Variants in ELN observed in about 807,000 individuals in gnomAD.
The protein encoded by ELN is tropoelastin.
In ELN, 65 loss-of-function variants were observed where a neutral mutation model predicts 105.8. The observed-to-expected ratio is 0.61, with a 90% CI of 0.50 to 0.75. The LOEUF (loss-of-function observed/expected upper bound fraction) is 0.75, where lower values mean the gene tolerates loss of function less well. Ranked by LOEUF, ELN falls within the 30% of genes least tolerant of loss-of-function variation. The pLI, the probability that ELN is intolerant of heterozygous loss-of-function variation, is 0.00. For synonymous variants in ELN, 368 were observed against 389.2 expected (o/e 0.95, Z 0.64); for missense variants, 882 against 969.4 (o/e 0.91, Z 1.20).
rs1554686443 is a variant in ELN, at chr7:74,063,351, G to A, written c.1900G>A (p.Ala634Thr). The change falls in exon 28 of 33, where the codon GCC becomes ACC. Residue 634 changes from alanine (A) to threonine (T), a missense_variant. By Grantham distance (58) the Ala-to-Thr change is moderately conservative. Coordinates refer to ENST00000252034, the MANE Select transcript of ELN (RefSeq NM_000501.4). The surrounding 1 kb of genome is among the most constrained non-coding windows in gnomAD (Gnocchi z 4.1). Reference sequence around the variant, plus strand: ...CGCCGCTGCCGCAGCCAAAGCTGCTGCCAAAGCCGCCCAGTTTGGTGAGCA... The same window carrying A: ...CGCCGCTGCCGCAGCCAAAGCTGCTACCAAAGCCGCCCAGTTTGGTGAGCA... Reference protein sequence around the residue: ...AAAAAAAKAAAKAAQFGLVGA... With the variant: ...AAAAAAAKAATKAAQFGLVGA... The A allele has an allele frequency of 5.2e-6, 8 of 1,548,256 alleles. No homozygotes were observed. The highest frequency in any genetic ancestry group is 7.0e-6 in the Non-Finnish European group (8 of 1,147,706).
At chr7:74,048,341 C>A in intron 14 of ELN, 140 bp downstream of exon 14, 2 of 1,507,360 alleles carry the variant, frequency 1.3e-6, no homozygotes, top group Non-Finnish European at 1.8e-6. Flanking sequence ...GAGCAGGATC[C>A]TGGGGGAGGA....
At chr7:74,064,422 A>AT (rs1254845978) in intron 29 of ELN, among the ~76,000 whole-genome samples, 13,790 of 137,386 alleles carry the variant, frequency 0.1, 645 homozygotes, top group African/African-American at 0.12. Flanking sequence ...CTCAAAAAAA[A>AT]AATATATATA....
At chr7:74,044,883 C>T (rs1324906402) in intron 9 of ELN, among the ~76,000 whole-genome samples, 6 of 152,160 alleles carry the variant, frequency 3.9e-5, no homozygotes, top group Non-Finnish European at 7.3e-5. Flanking sequence ...GGTCTACGGG[C>T]GAGTGGCACC....
chr7:74,063,177 G>T lies in ELN; in HGVS notation c.1811G>T (p.Gly604Val). 6.2e-7 allele frequency: 1 copy of T among 1,609,380 alleles called. No homozygotes were observed. The highest frequency in any genetic ancestry group is 1.1e-5 in the South Asian group (1 of 89,230). The change falls in exon 27 of 33, where the codon GGA (glycine) becomes GTA (valine). Residue 604 changes from glycine to valine, a missense_variant. Transcript: ENST00000252034. The surrounding 1 kb of genome is among the most constrained non-coding windows in gnomAD (Gnocchi z 4.1). ...GGAGCAGCAGTGCCTGGGGTCCTTG[G>T]AGGGCTCGGGGCTCTCGGTGGAGTA... Reference protein sequence around the residue: ...KYGAAVPGVLGGLGALGGVGI... With the variant: ...KYGAAVPGVLVGLGALGGVGI...
At chr7:74,045,389 G>C (rs1583788007) in intron 10 of ELN, 96 bp downstream of exon 10, 2 of 1,392,968 alleles carry the variant, frequency 1.4e-6, no homozygotes, top group East Asian at 4.8e-5. Flanking sequence ...GACTGGCTCA[G>C]GGCCCTCTGG....
At chr7:74,067,263 A>T (rs1554689801) in intron 32 of ELN, among the ~76,000 whole-genome samples, 1 of 147,564 alleles carries the variant, frequency 6.8e-6, no homozygotes, top group East Asian at 2.0e-4. Context: ...TACTAAAAAT[A>T]CTATAGTCTT....
At chr7:74,050,408 T>C (rs1793768017) in intron 15 of ELN, among the ~76,000 whole-genome samples, 1 of 151,756 alleles carries the variant, frequency 6.6e-6, no homozygotes, top group Admixed American at 6.6e-5. Context: ...CATCCATCCA[T>C]CCATCCATCC....
In ELN at chr7:74,056,153, T is replaced by C; in HGVS notation, c.1151-118T>C. On this transcript the variant is annotated intron_variant, in intron 19 of 32. Coordinates refer to ENST00000252034, the MANE Select transcript of ELN (RefSeq NM_000501.4). ...CCCAGGCATCCCAGTTTTCTGTCTTTTATGGACAAGGCCTGGGGGAAATTT... is the reference window on the plus strand; with the variant it reads ...CCCAGGCATCCCAGTTTTCTGTCTTCTATGGACAAGGCCTGGGGGAAATTT... 3.6e-6 allele frequency: 5 copies of C among 1,406,766 alleles called. No homozygotes were observed. In the South Asian group the frequency reaches 4.6e-5, roughly 13 times the overall value. 87.1% of individuals were successfully genotyped at this position (1,406,766 alleles called of 1,614,324 possible).
Position 74,053,299 on chromosome 7 carries a change from T to C in ELN, c.1086T>C (p.Ala362=), listed in dbSNP as rs1256598880. The C allele has an allele frequency of 1.2e-6, 2 of 1,612,356 alleles. No individual in the cohort carries two copies. The highest frequency in any genetic ancestry group is 3.3e-5 in the Admixed American group (2 of 59,828). Residue 362 remains alanine, a synonymous_variant, in exon 18 of 33, where the codon GCT becomes GCC. Transcript: ENST00000252034. The stretch of plus-strand genomic sequence containing the variant: ...TCCCAGGTGCTGGGATCCCAGGTGC[T>C]GCGGTTCCAGGTGAGCTGGGCTGTG... ...PVVPGAGIPG[A]AVPGVVSPEA...
intron 32 of ELN, 48 bp from the exon 33 acceptor site, chr7:74,068,609 A>C (rs782436862): frequency 1.2e-6 from 2 of 1,613,172 alleles, no homozygotes; most frequent in Admixed American, 1.7e-5. Context: ...TTAGAGCCGA[A>C]ACTGAGAGGG....
At position 74,054,758 on chromosome 7, in the gene ELN, C is replaced by T; in HGVS notation, c.1139C>T (p.Ala380Val). The change falls in exon 19 of 33, where the codon GCA becomes GTA. Residue 380 changes from alanine to valine, a missense_variant. Physicochemically the swap from Ala to Val is moderately conservative, Grantham distance 64. Transcript: ENST00000252034. ...GCAGCTGCTAAGGCAGCTGCAAAGG[C>T]AGCCAAATACGGTGAGTGCTATGCT... Reference protein sequence around the residue: ...PEAAAKAAAKAAKYGARPGVG... With the variant: ...PEAAAKAAAKVAKYGARPGVG... 1 of 1,614,170 alleles carries T rather than the reference C, an allele frequency of 6.2e-7. No individual in the cohort carries two copies. Among genetic ancestry groups the T allele is most frequent in the South Asian group, 1.1e-5 (1 of 91,078 alleles).
intron 19 of ELN, among the ~76,000 whole-genome samples, chr7:74,055,687 C>T (rs1795075802): frequency 1.3e-5 from 2 of 152,020 alleles, no homozygotes; most frequent in East Asian, 1.9e-4. Flanking sequence ...GCCTTGTTGG[C>T]CAGGCTGGTC....
At chr7:74,067,738 G>T (rs1463319373) in intron 32 of ELN, among the ~76,000 whole-genome samples, 3 of 150,044 alleles carry the variant, frequency 2.0e-5, no homozygotes, top group Non-Finnish European at 4.4e-5. Flanking sequence ...ACTCCAGCCT[G>T]GGCGGCACAG....
chr7:74,042,665 G>A lies in ELN; in HGVS notation c.284G>A (p.Gly95Glu). ...TTTCCGGGGGCTCTGGTGCCTGGTG[G>A]AGTGGCTGACGCTGCTGCAGCCTAT... ...VTFPGALVPG[G>E]VADAAAAYKA... is the part of the protein sequence containing the mutation. The change falls in exon 6 of 33, where the codon GGA becomes GAA. Residue 95 changes from glycine (G) to glutamate (E), a missense_variant. Gly to Glu is a moderately conservative substitution (Grantham distance 98, BLOSUM62 -2). Coordinates refer to ENST00000252034, the MANE Select transcript of ELN (RefSeq NM_000501.4). 6.2e-7 allele frequency: 1 copy of A among 1,613,548 alleles called. No homozygotes were observed.
chr7:74,067,762 CAAA>C (rs35074680), intron 32 of ELN, among the ~76,000 whole-genome samples: 1 of 100,084 alleles, frequency 1.0e-5, no homozygotes. Context: ...GACTCCGTCT[CAAA>C]AAAAAAAAAA....
intron 3 of ELN, 91 bp from the exon 4 acceptor site, chr7:74,037,616 A>G (rs1790274180): frequency 6.4e-7 from 1 of 1,552,166 alleles, no homozygotes; most frequent in African/African-American, 1.4e-5. Context: ...GTGATTCCAC[A>G]CTGCCCACAC....
In ELN at chr7:74,057,687, G is replaced by A. The variant is rs782700997; in HGVS notation, c.1405G>A (p.Ala469Thr). Reference sequence around the variant, plus strand: ...AGCTGCTAAAGCAGCCGCCAAAGCCGCCCAGTTTGGTAAGTCCCCCTCACC... The same window carrying A: ...AGCTGCTAAAGCAGCCGCCAAAGCCACCCAGTTTGGTAAGTCCCCCTCACC... ...AAAAKAAAKA[A>T]QFGLVPGVGV... The change falls in exon 22 of 33, where the codon GCC becomes ACC. Residue 469 changes from alanine to threonine, a missense_variant. Coordinates refer to ENST00000252034, the MANE Select transcript of ELN (RefSeq NM_000501.4). The A allele has an allele frequency of 5.5e-5, 89 of 1,613,228 alleles. No individual in the cohort carries two copies. The highest frequency in any genetic ancestry group is 2.4e-4 in the South Asian group (22 of 91,030).
chr7:74,062,011 C>G (rs1796795605), intron 26 of ELN, among the ~76,000 whole-genome samples: 1 of 152,204 alleles, frequency 6.6e-6, no homozygotes, highest in Non-Finnish European at 1.5e-5. Context: ...CAGGACCGCT[C>G]CCACCACGAG....
At position 74,056,441 on chromosome 7, in the gene ELN, C is replaced by A. The variant is rs782046010; in HGVS notation, c.1315+6C>A. ...CCCGGGAGTTGGCATTTCCCGTGAG[C>A]CTTAGTCACACCTGGGGACATGGGT... On this transcript the variant is annotated splice_donor_region_variant and intron_variant, in intron 20 of 32. Transcript: ENST00000252034. 7 of 1,613,326 alleles carry A rather than the reference C, an allele frequency of 4.3e-6. No homozygotes were observed. The East Asian group carries it at 6.7e-5, about 15-fold the overall frequency.
Sources: allele counts gnomAD v4.1 joint callset (sites outside exome capture counted in the v4.1 genomes callset), GRCh38; gene constraint gnomAD v4.1.1; non-coding constraint Gnocchi (gnomAD v3.1); transcripts MANE v1.5; gene names NCBI Gene and HGNC (gene_info 2026-07-23, HGNC 2026-07-21).